CNBD1: variants seen among roughly 807,000 people sequenced by gnomAD.
CNBD1 encodes the protein cyclic nucleotide binding domain containing 1.
Under a neutral mutation model 54.4 loss-of-function variants are expected in CNBD1, and 71 were observed. The observed-to-expected ratio is 1.30, with a 90% confidence interval of 1.08 to 1.59. The LOEUF is 1.59. Among genes scored for constraint, CNBD1 ranks in the 40% most tolerant of loss-of-function variants. CNBD1 has a pLI of 0.00. For synonymous variants in CNBD1, 182 were observed against 170.7 expected (o/e 1.07, Z -0.51); for missense variants, 659 against 518.0 (o/e 1.27, Z -2.64).
At chr8:87,424,825 C>G (rs1271071724) in intron 2 of CNBD1, among the ~76,000 whole-genome samples, 3 of 152,108 alleles carry the variant, frequency 2.0e-5, no homozygotes, top group Admixed American at 2.0e-4. Context: ...CCAGGAGTAT[C>G]TTTGTGGCAT....
chr8:87,097,849 C>G (rs748365374), intron 4 of CNBD1, among the ~76,000 whole-genome samples: 1 of 152,180 alleles, frequency 6.6e-6, no homozygotes, highest in Admixed American at 6.5e-5. Flanking sequence ...AAATTAACTT[C>G]GTGATCTGTC....
downstream of CNBD1, among the ~76,000 whole-genome samples, chr8:87,386,315 G>C (rs111267024): frequency 3.3e-5 from 5 of 152,042 alleles, no homozygotes; most frequent in Non-Finnish European, 5.9e-5. Flanking sequence ...AAACTACTCC[G>C]AGCTAAAGCA....
intron 8 of CNBD1, among the ~76,000 whole-genome samples, chr8:87,327,912 G>T (rs374723899): frequency 3.3e-5 from 5 of 151,694 alleles, no homozygotes; most frequent in Non-Finnish European, 5.9e-5. Flanking sequence ...TGATTTTTGT[G>T]TATTGTGTAA....
In CNBD1 at chr8:86,908,787, T is replaced by TA. The variant is rs1404622929; in HGVS notation, c.272+3593_272+3594insA. 6.6e-3 allele frequency among the ~76,000 whole-genome samples: 845 copies of TA among 127,674 alleles called. 13 individuals carry two copies. Among genetic ancestry groups the TA allele is most frequent in the African/African-American group, 0.024 (790 of 32,676 alleles). 83.8% of individuals were successfully genotyped at this position (127,674 alleles called of 152,430 possible). Reference sequence around the variant, plus strand: ...TGTGATTATCATCATAAGAATTCTTTTTTTTTTTTTTTTTGTGCTGAGGGC... The same window carrying TA: ...TGTGATTATCATCATAAGAATTCTTTATTTTTTTTTTTTTTGTGCTGAGGGC... On this transcript the variant is annotated intron_variant, in intron 3 of 10. Coordinates refer to ENST00000518476, the MANE Select transcript of CNBD1 (RefSeq NM_173538.3).
chr8:87,229,085 G>T (rs1034367339), intron 5 of CNBD1, among the ~76,000 whole-genome samples: 36 of 152,168 alleles, frequency 2.4e-4, no homozygotes, highest in African/African-American at 8.4e-4. Context: ...CCTCAGTGAG[G>T]CAATGCCTCG....
At chr8:87,226,155 T>C (rs1340632097) in intron 5 of CNBD1, among the ~76,000 whole-genome samples, 2 of 152,070 alleles carry the variant, frequency 1.3e-5, no homozygotes, top group East Asian at 1.9e-4. Context: ...GTCTTGCTAG[T>C]GGTCTATCAA....
rs943071864 is a variant in CNBD1 at position 86,930,286 on chromosome 8, G to T, written c.273-9310G>T. On this transcript the variant is annotated intron_variant, in intron 3 of 10. Transcript: ENST00000518476. ...ATTAGGCCTAGATATTTGACTTGTT[G>T]TAGGCAGAGCTGGGTGTTTAATTTA... 2.6e-5 allele frequency among the ~76,000 whole-genome samples: 4 copies of T among 152,154 alleles called. No individual in the cohort carries two copies. The South Asian group carries it at 6.2e-4, about 24-fold the overall frequency.
At chr8:87,164,856 G>A (rs1018914976) in intron 4 of CNBD1, among the ~76,000 whole-genome samples, 26 of 151,426 alleles carry the variant, frequency 1.7e-4, no homozygotes, top group African/African-American at 5.8e-4. Context: ...CATTCCTTGA[G>A]GTATGAAGGT....
At chr8:87,162,695 G>C (rs1812882395) in intron 4 of CNBD1, among the ~76,000 whole-genome samples, 1 of 152,034 alleles carries the variant, frequency 6.6e-6, no homozygotes, top group Non-Finnish European at 1.5e-5. Flanking sequence ...CCTGGTGAAG[G>C]CCTGATCTCT....
chr8:86,927,524 T>C (rs1281454079), intron 3 of CNBD1, among the ~76,000 whole-genome samples: 1 of 152,002 alleles, frequency 6.6e-6, no homozygotes, highest in African/African-American at 2.4e-5. Flanking sequence ...TGTAATTACA[T>C]TGATGGGATA....
chr8:87,292,245 T>G (rs931264707), intron 8 of CNBD1, among the ~76,000 whole-genome samples: 24 of 152,244 alleles, frequency 1.6e-4, no homozygotes, highest in Non-Finnish European at 3.4e-4. Flanking sequence ...AAGGCTATAC[T>G]GTCTTAAACT....
chr8:87,102,714 C>G (rs966814090), intron 4 of CNBD1, among the ~76,000 whole-genome samples: 1 of 152,012 alleles, frequency 6.6e-6, no homozygotes, highest in Non-Finnish European at 1.5e-5. Flanking sequence ...CCCGGGTTCA[C>G]GCCGTTCTCT....
At chr8:87,345,865 G>T (rs1005525031) in intron 8 of CNBD1, among the ~76,000 whole-genome samples, 7 of 151,972 alleles carry the variant, frequency 4.6e-5, no homozygotes, top group African/African-American at 1.7e-4. Flanking sequence ...ATAAAAAGAA[G>T]TTAAGGAGTA....
intron 2 of CNBD1, among the ~76,000 whole-genome samples, chr8:87,410,004 C>T (rs1807714855): frequency 6.6e-6 from 1 of 151,354 alleles, no homozygotes; most frequent in Non-Finnish European, 1.5e-5. Flanking sequence ...GCCTGGGTGA[C>T]AGAGCGAGAC....
At chr8:87,249,506 C>T (rs1586363059) in intron 6 of CNBD1, among the ~76,000 whole-genome samples, 1 of 152,160 alleles carries the variant, frequency 6.6e-6, no homozygotes, top group East Asian at 1.9e-4. Flanking sequence ...CCACAAAATG[C>T]ACAGAAGGCA....
At chr8:87,031,868 G>A (rs1809800823) in intron 4 of CNBD1, among the ~76,000 whole-genome samples, 1 of 152,120 alleles carries the variant, frequency 6.6e-6, no homozygotes, top group South Asian at 2.1e-4. Flanking sequence ...AGCCTCCTGA[G>A]TAGCTGGGAT....
intron 4 of CNBD1, among the ~76,000 whole-genome samples, chr8:87,152,705 AT>A (rs1812633172): frequency 6.6e-6 from 1 of 152,108 alleles, no homozygotes; most frequent in South Asian, 2.1e-4. Flanking sequence ...TGTGTTTCAC[AT>A]TTTTACAGTG....
chr8:87,230,184 A>G (rs1479247040), intron 5 of CNBD1, among the ~76,000 whole-genome samples: 1 of 152,190 alleles, frequency 6.6e-6, no homozygotes, highest in Non-Finnish European at 1.5e-5. Flanking sequence ...TATCACTAGA[A>G]CAGCATCGAG....
intron 4 of CNBD1, among the ~76,000 whole-genome samples, chr8:87,006,897 A>G (rs1809110747): frequency 6.6e-6 from 1 of 152,256 alleles, no homozygotes; most frequent in East Asian, 1.9e-4. Context: ...TGAACATTGT[A>G]CAATAAAACT....
Sources: gnomAD v4.1 joint callset for allele counts (sites outside exome capture counted in the v4.1 genomes callset) on GRCh38, gnomAD v4.1.1 for gene constraint, MANE v1.5 for transcripts, NCBI Gene and HGNC (gene_info 2026-07-23, HGNC 2026-07-21) for gene names.